The following TMEM80 variants were observed in gnomAD, a reference collection of about 807,000 sequenced individuals.
TMEM80 encodes the protein transmembrane protein 80.
A neutral mutation model predicts 13.6 loss-of-function variants in TMEM80; 16 were observed. The ratio of observed to expected loss-of-function variants is 1.17; its 90% CI spans 0.79 to 1.78. The LOEUF is 1.78. Among genes scored for constraint, TMEM80 ranks in the 40% most tolerant of loss-of-function variants. The pLI, the probability that TMEM80 is intolerant of heterozygous loss-of-function variation, is 0.00. For missense variants in TMEM80, 167 were observed against 184.6 expected, an observed-to-expected ratio of 0.90 and a Z score of 0.55; for synonymous variants, 92 against 89.5, an observed-to-expected ratio of 1.03 and a Z score of -0.16.
chr11:704,163 C>T (rs1049897317), downstream of TMEM80: 4 of 1,096,294 alleles, frequency 3.6e-6, no homozygotes, highest in African/African-American at 4.9e-5. Context: ...CCCACCCCAT[C>T]TCCAGTTCTC....
chr11:696,246 C>A (rs1054110254), intron 1 of TMEM80, among the ~76,000 whole-genome samples: 7 of 152,056 alleles, frequency 4.6e-5, no homozygotes, highest in African/African-American at 1.7e-4. Flanking sequence ...CTGAGAGACT[C>A]GCCTCCGAGA....
chr11:703,944 G>A lies in TMEM80; in HGVS notation c.*794G>A, dbSNP rs914455912. On this transcript the variant is annotated 3_prime_UTR_variant, in exon 5 of 5. Transcript: ENST00000397510. ...GGAGTGCTAAACAAATTCTAGCTCT[G>A]TGTTTTTTTCCCATTCCCAGATTTA... 4 of 1,243,090 alleles carry A rather than the reference G, an allele frequency of 3.2e-6. No homozygotes were observed. The African/African-American group carries it at 6.2e-5, about 19-fold the overall frequency. 77.0% of individuals were successfully genotyped at this position (1,243,090 alleles called of 1,614,324 possible).
At chr11:704,722 C>T (rs1387869678), downstream of TMEM80, 4 of 1,181,636 alleles carry the variant, frequency 3.4e-6, no homozygotes, top group East Asian at 1.7e-4. Context: ...GCCATGGCTC[C>T]AGGTGACCCG....
At position 702,936 on chromosome 11, in the gene TMEM80, G is replaced by C. The variant is rs982579494; in HGVS notation, c.227-9G>C. 1 of 1,603,046 alleles carries C rather than the reference G, an allele frequency of 6.2e-7. No individual in the cohort carries two copies. Among genetic ancestry groups the C allele is most frequent in the Non-Finnish European group, 8.5e-7 (1 of 1,174,192 alleles). On this transcript the variant is annotated splice_polypyrimidine_tract_variant and intron_variant, in intron 4 of 4. Coordinates refer to ENST00000397510, the MANE Select transcript of TMEM80 (RefSeq NM_001042463.3). The stretch of plus-strand genomic sequence containing the variant: ...CACCACCTTCCCTCCCCTTTGCTCT[G>C]TTCTCCAGGCACCAGGGGCAACCTG...
In TMEM80 at chr11:699,202, A is replaced by G. The variant is rs1204354995; in HGVS notation, c.39+314A>G. ...GATGGAAATCCCTCACTTTGTCCCTAGATTCATTTTATTTTATTTTTGTTT... is the reference window on the plus strand; with the variant it reads ...GATGGAAATCCCTCACTTTGTCCCTGGATTCATTTTATTTTATTTTTGTTT... On this transcript the variant is annotated intron_variant, in intron 2 of 4. Coordinates refer to ENST00000397510, the MANE Select transcript of TMEM80 (RefSeq NM_001042463.3). The G allele has an allele frequency of 8.9e-6, 4 of 448,746 alleles. No homozygotes were observed. The East Asian group carries it at 1.4e-4, about 16-fold the overall frequency. 27.8% of individuals were successfully genotyped at this position (448,746 alleles called of 1,614,324 possible).
rs1472267934 is a variant in TMEM80 at position 703,851 on chromosome 11, G to A, written c.*701G>A. On this transcript the variant is annotated 3_prime_UTR_variant, in exon 5 of 5. Transcript: ENST00000397510. ...AGGCCGGGGATGAGACTGCAGGAGA[G>A]AGAGCAGCGGAGGGCCACATTCGGA... 2.4e-6 allele frequency: 3 copies of A among 1,236,078 alleles called. No homozygotes were observed. The highest frequency in any genetic ancestry group is 3.0e-6 in the Non-Finnish European group (3 of 991,208). 76.6% of individuals were successfully genotyped at this position (1,236,078 alleles called of 1,614,324 possible). A position where few individuals can be genotyped will look rare whatever the true frequency, so the allele number is the denominator to read the frequency against.
intron 4 of TMEM80, chr11:700,995 C>T: frequency 2.1e-6 from 1 of 483,890 alleles, no homozygotes; most frequent in East Asian, 3.8e-5. Flanking sequence ...AAAGCCCAGC[C>T]CACCACCACA....
Position 703,431 on chromosome 11 carries a change from T to G in TMEM80, c.*281T>G. The G allele has an allele frequency of 2.3e-6, 3 of 1,300,376 alleles. No individual in the cohort carries two copies. Among genetic ancestry groups the G allele is most frequent in the Non-Finnish European group, 2.9e-6 (3 of 1,028,228 alleles). 80.6% of individuals were successfully genotyped at this position (1,300,376 alleles called of 1,614,324 possible). A position where few individuals can be genotyped will look rare whatever the true frequency, so the allele number is the denominator to read the frequency against. On this transcript the variant is annotated 3_prime_UTR_variant, in exon 5 of 5. Transcript: ENST00000397510. ...AGGAGCGCACACTCAGCCCTGTCAG[T>G]GGGGTCTGGCTTTAGCAGCCAGGCC...
At position 703,330 on chromosome 11, in the gene TMEM80, C is replaced by T. The variant is rs2133478248; in HGVS notation, c.*180C>T. ...GGAGCAGGAGCCAGGGCAGAACAAA[C>T]TGCTGGAGGCCCTGGTGTTGGGAAC... On this transcript the variant is annotated 3_prime_UTR_variant, in exon 5 of 5. Transcript: ENST00000397510. 7.1e-7 allele frequency: 1 copy of T among 1,405,028 alleles called. No homozygotes were observed. The highest frequency in any genetic ancestry group is 1.8e-5 in the South Asian group (1 of 56,820). 87.0% of individuals were successfully genotyped at this position (1,405,028 alleles called of 1,614,324 possible).
At chr11:701,557 C>G (rs543396570) in intron 4 of TMEM80, among the ~76,000 whole-genome samples, 1 of 152,108 alleles carries the variant, frequency 6.6e-6, no homozygotes, top group Admixed American at 6.5e-5. Flanking sequence ...ACTACAGGTG[C>G]CCGCCACCAC....
Position 700,632 on chromosome 11 carries a change from C to T in TMEM80, c.151C>T (p.Pro51Ser), listed in dbSNP as rs758602866. Residue 51 changes from proline to serine, a missense_variant, in exon 4 of 5, where the codon CCT becomes TCT. Coordinates refer to ENST00000397510, the MANE Select transcript of TMEM80 (RefSeq NM_001042463.3). Reference protein sequence around the residue: ...ITYKSQVFSYPHRYLVLDLAL... With the variant: ...ITYKSQVFSYSHRYLVLDLAL... ...CTCTTCAGGTCAGGTGTTCAGCTAT[C>T]CTCACCGCTACCTGGTCCTCGATCT... 1 of 1,613,928 alleles carries T rather than the reference C, an allele frequency of 6.2e-7. No homozygotes were observed. Among genetic ancestry groups the T allele is most frequent in the Non-Finnish European group, 8.5e-7 (1 of 1,180,020 alleles).
intron 4 of TMEM80, among the ~76,000 whole-genome samples, chr11:702,541 T>C (rs1861544612): frequency 6.6e-6 from 1 of 152,234 alleles, no homozygotes; most frequent in African/African-American, 2.4e-5. Flanking sequence ...CGTGAAATTT[T>C]CCAGAACTGG....
In TMEM80 at chr11:702,979, G is replaced by T. The variant is rs759571254; in HGVS notation, c.261G>T (p.Pro87=). 1 of 1,610,180 alleles carries T rather than the reference G, an allele frequency of 6.2e-7. No individual in the cohort carries two copies. ...TRGNLTEAER[P]LAASLALTAG... ...GCAACCTGACAGAGGCTGAGAGGCC[G>T]CTGGCCGCCAGCCTGGCCCTCACGG... The change falls in exon 5 of 5, where the codon CCG becomes CCT. Residue 87 remains proline (P), a synonymous_variant. Transcript: ENST00000397510.
At position 703,106 on chromosome 11, in the gene TMEM80, G is replaced by C. The variant is rs150246079; in HGVS notation, c.388G>C (p.Glu130Gln). The change falls in exon 5 of 5, where the codon GAG becomes CAG. Residue 130 changes from glutamate (E) to glutamine (Q), a missense_variant. Physicochemically the swap from Glu to Gln is conservative, Grantham distance 29. Coordinates refer to ENST00000397510, the MANE Select transcript of TMEM80 (RefSeq NM_001042463.3). ...CACGCTCCTGGCCCTTCACGGCCTGGAGGCCGTCCTGCAGGTGGTTGCCAT... is the reference window on the plus strand; with the variant it reads ...CACGCTCCTGGCCCTTCACGGCCTGCAGGCCGTCCTGCAGGTGGTTGCCAT... Reference protein sequence around the residue: ...SATLLALHGLEAVLQVVAIAA... With the variant: ...SATLLALHGLQAVLQVVAIAA... The C allele has an allele frequency of 6.2e-7, 1 of 1,610,890 alleles. No homozygotes were observed. Among genetic ancestry groups the C allele is most frequent in the Non-Finnish European group, 8.5e-7 (1 of 1,178,514 alleles).
intron 4 of TMEM80, 112 bp from the exon 5 acceptor site, chr11:702,833 G>A (rs1861556915): frequency 9.5e-7 from 1 of 1,048,732 alleles, no homozygotes; most frequent in Non-Finnish European, 1.4e-6. Flanking sequence ...GGCCCCGGAG[G>A]AACGTAGGGC....
chr11:697,789 A>C (rs544599998), intron 1 of TMEM80: 1 of 152,378 alleles, frequency 6.6e-6, no homozygotes, highest in South Asian at 2.1e-4. Flanking sequence ...TCTGCCGTGC[A>C]CTTGGCTTCC....
rs377327861 is a variant in TMEM80 at position 700,735 on chromosome 11, A to G, written c.226+28A>G. ...GAGTGGACTGTTAACACCGTGAAGA[A>G]CCTGTCCTAAGAGTTGCTATCTGTT... On this transcript the variant is annotated intron_variant, in intron 4 of 4. Coordinates refer to ENST00000397510, the MANE Select transcript of TMEM80 (RefSeq NM_001042463.3). The G allele has an allele frequency of 8.9e-6, 14 of 1,579,028 alleles. No individual in the cohort carries two copies. The African/African-American group carries it at 1.8e-4, about 20-fold the overall frequency.
Position 698,900 on chromosome 11 carries a change from C to T in TMEM80, c.39+12C>T, listed in dbSNP as rs377758388. ...GATCCTCCACAGTGGTATCCTGCTG[C>T]GTGCCCCTCCAGGACAGCACCCAGA... is the stretch of plus-strand genomic sequence containing the variant. On this transcript the variant is annotated intron_variant, in intron 2 of 4. Transcript: ENST00000397510. The T allele has an allele frequency of 2.0e-5, 33 of 1,613,916 alleles. No homozygotes were observed. The East Asian group carries it at 2.5e-4, about 12-fold the overall frequency.
intron 4 of TMEM80, 82 bp from the exon 5 acceptor site, chr11:702,863 A>C (rs890079268): frequency 7.2e-7 from 1 of 1,381,038 alleles, no homozygotes; most frequent in African/African-American, 1.4e-5. Context: ...CTCTGGTCCC[A>C]GCAGCCCTCC....
Sources: gnomAD v4.1 joint callset for allele counts (sites outside exome capture counted in the v4.1 genomes callset) on GRCh38, gnomAD v4.1.1 for gene constraint, MANE v1.5 for transcripts, NCBI Gene and HGNC (gene_info 2026-07-23, HGNC 2026-07-21) for gene names.